The following MRPS28 variants were observed in gnomAD, a reference collection of about 807,000 sequenced individuals.
MRPS28 encodes small ribosomal subunit protein bS1m.
In MRPS28, 7 loss-of-function variants were observed where a neutral mutation model predicts 10.8. That is an observed-to-expected ratio of 0.65 (90% CI 0.37 to 1.22). The LOEUF is 1.22. MRPS28 is among the 50% of genes most tolerant of loss of function. MRPS28 has a pLI of 0.02. For missense variants in MRPS28, 265 were observed against 232.9 expected, an observed-to-expected ratio of 1.14 and a Z score of -0.90; for synonymous variants, 121 against 93.3, an observed-to-expected ratio of 1.30 and a Z score of -1.71.
intron 2 of MRPS28, among the ~76,000 whole-genome samples, chr8:79,941,300 T>A (rs561959189): frequency 6.6e-6 from 1 of 152,196 alleles, no homozygotes; most frequent in Admixed American, 6.5e-5. Context: ...AATGTGGTAT[T>A]ACAACATCTT....
chr8:80,002,009 G>A (rs150917928), intron 2 of MRPS28, among the ~76,000 whole-genome samples: 6 of 151,816 alleles, frequency 4.0e-5, no homozygotes, highest in African/African-American at 1.2e-4. Flanking sequence ...ATTAATCTGA[G>A]GAAATGTGTA....
chr8:79,968,024 G>A (rs1241459051), intron 2 of MRPS28, among the ~76,000 whole-genome samples: 4 of 151,838 alleles, frequency 2.6e-5, no homozygotes, highest in Non-Finnish European at 5.9e-5. Context: ...ATAAATTCTA[G>A]CATAACCCTT....
chr8:79,956,823 T>C (rs1353546375), intron 2 of MRPS28: 2 of 152,216 alleles, frequency 1.3e-5, no homozygotes, highest in Non-Finnish European at 2.9e-5. Flanking sequence ...CATTCTTTTT[T>C]TGGCTGCATG....
chr8:79,930,243 AT>A (rs2129890114), intron 2 of MRPS28, among the ~76,000 whole-genome samples: 1 of 152,300 alleles, frequency 6.6e-6, no homozygotes, highest in African/African-American at 2.4e-5. Flanking sequence ...CAACACAGGT[AT>A]TTTAGTATAT....
intron 2 of MRPS28, among the ~76,000 whole-genome samples, chr8:79,976,585 A>G (rs1807807806): frequency 6.6e-6 from 1 of 152,226 alleles, no homozygotes; most frequent in African/African-American, 2.4e-5. Context: ...ATGCACCTGT[A>G]GCCCCAACTA....
chr8:79,938,426 C>CT (rs11350416), intron 2 of MRPS28, among the ~76,000 whole-genome samples: 5,959 of 142,626 alleles, frequency 0.042, 410 homozygotes, highest in African/African-American at 0.14. Context: ...GTGGGCTGTG[C>CT]TTTTTTTTTT....
chr8:79,932,427 C>T (rs1806487116), intron 2 of MRPS28, among the ~76,000 whole-genome samples: 1 of 152,060 alleles, frequency 6.6e-6, no homozygotes, highest in Non-Finnish European at 1.5e-5. Context: ...ACCGTTGGTT[C>T]AAAGGCTCAC....
intron 2 of MRPS28, among the ~76,000 whole-genome samples, chr8:79,939,528 ATTTCT>A (rs1806702374): frequency 6.6e-6 from 1 of 152,124 alleles, no homozygotes; most frequent in Non-Finnish European, 1.5e-5. Context: ...CAATACAGAA[ATTTCT>A]TTTAAAGAGC....
intron 2 of MRPS28, among the ~76,000 whole-genome samples, chr8:79,984,598 A>G (rs1191070335): frequency 1.3e-5 from 2 of 152,208 alleles, no homozygotes. Flanking sequence ...AGCAAATGGA[A>G]AACAAAAAAA....
intron 2 of MRPS28, among the ~76,000 whole-genome samples, chr8:79,950,393 G>A (rs1232792371): frequency 6.6e-6 from 1 of 152,112 alleles, no homozygotes; most frequent in Non-Finnish European, 1.5e-5. Context: ...TCCCAGGAAT[G>A]AGTAAGTTAA....
chr8:80,012,024 G>A (rs1290661561), intron 1 of MRPS28, among the ~76,000 whole-genome samples: 1 of 152,078 alleles, frequency 6.6e-6, no homozygotes, highest in African/African-American at 2.4e-5. Flanking sequence ...GAGATTTTTA[G>A]TAAGTCTGCA....
At chr8:79,944,693 T>C (rs1806858411) in intron 2 of MRPS28, among the ~76,000 whole-genome samples, 1 of 63,834 alleles carries the variant, frequency 1.6e-5, no homozygotes, top group African/African-American at 9.2e-5. Context: ...TTTTTCTTTT[T>C]CTTTTTTCTT....
intron 2 of MRPS28, among the ~76,000 whole-genome samples, chr8:79,956,093 T>C (rs1170181914): frequency 6.6e-6 from 1 of 152,128 alleles, no homozygotes; most frequent in Admixed American, 6.6e-5. Context: ...TTTTAAATTT[T>C]CTTGATGCCT....
At position 80,030,179 on chromosome 8, in the gene MRPS28, TGAA is replaced by T. The variant is rs1809648392; in HGVS notation, c.67_69del (p.Phe23del). The T allele has an allele frequency of 1.2e-6, 2 of 1,614,026 alleles. No homozygotes were observed. The highest frequency in any genetic ancestry group is 2.7e-5 in the African/African-American group (2 of 74,868). The stretch of plus-strand genomic sequence containing the variant: ...TCAGTGCCTACACCCCGAAAGGGCC[TGAA>T]GAAGAGAAACACTCGCAGAAAATGG... On this transcript the variant is annotated inframe_deletion, in exon 1 of 3. Transcript: ENST00000276585.
chr8:79,984,077 T>C (rs7001581), intron 2 of MRPS28, among the ~76,000 whole-genome samples: 121,127 of 151,760 alleles, frequency 0.8, 49,083 homozygotes, highest in African/African-American at 0.94. Flanking sequence ...GCGGATCTCT[T>C]GGCAGAAACT....
At chr8:79,990,248 C>A (rs116487860) in intron 2 of MRPS28, among the ~76,000 whole-genome samples, 1 of 152,096 alleles carries the variant, frequency 6.6e-6, no homozygotes, top group South Asian at 2.1e-4. Context: ...CACTTCCCTA[C>A]GGCTGTGACC....
At chr8:80,015,570 A>G (rs1009944445) in intron 1 of MRPS28, among the ~76,000 whole-genome samples, 4 of 152,192 alleles carry the variant, frequency 2.6e-5, no homozygotes. Flanking sequence ...CACACACCCT[A>G]TCACCACATT....
chr8:79,942,967 T>C (rs925770860), intron 2 of MRPS28, among the ~76,000 whole-genome samples: 3 of 152,204 alleles, frequency 2.0e-5, no homozygotes, highest in African/African-American at 4.8e-5. Flanking sequence ...CTTCCATTAA[T>C]TAACTACATG....
intron 2 of MRPS28, among the ~76,000 whole-genome samples, chr8:79,990,861 C>T (rs924338751): frequency 8.6e-5 from 13 of 151,414 alleles, no homozygotes; most frequent in Admixed American, 3.3e-4. Context: ...GGGCATGGCG[C>T]GCGCCTGTAG....
Sources: allele counts gnomAD v4.1 joint callset (sites outside exome capture counted in the v4.1 genomes callset), GRCh38; gene constraint gnomAD v4.1.1; transcripts MANE v1.5; gene names NCBI Gene and HGNC (gene_info 2026-07-23, HGNC 2026-07-21).